The following MAPK10 variants were observed in gnomAD, a reference collection of about 807,000 sequenced individuals.
MAPK10 encodes the protein JNK3 alpha protein kinase.
In MAPK10, 25 loss-of-function variants were observed where a neutral mutation model predicts 59.3. That is an observed-to-expected ratio of 0.42 (90% confidence interval 0.31 to 0.59). The LOEUF is 0.59. Ranked by LOEUF, MAPK10 falls within the 20% of genes least tolerant of loss-of-function variation. The pLI is 0.15. For synonymous variants in MAPK10, 190 were observed against 200.5 expected, an observed-to-expected ratio of 0.95 and a Z score of 0.44; for missense variants, 351 against 568.9, an observed-to-expected ratio of 0.62 and a Z score of 3.90.
intron 9 of MAPK10, chr4:86,090,279 G>A (rs2149048263): frequency 6.6e-6 from 1 of 152,174 alleles, no homozygotes; most frequent in Non-Finnish European, 1.5e-5. Context: ...TAAGATAGCA[G>A]CACAATATAA....
chr4:86,083,757 C>T (rs139678627), intron 9 of MAPK10, among the ~76,000 whole-genome samples: 97 of 152,304 alleles, frequency 6.4e-4, no homozygotes, highest in African/African-American at 2.2e-3. Context: ...CTCCTCTACC[C>T]CCATGGTGCA....
At chr4:86,222,195 T>C (rs1171839415) in intron 2 of MAPK10, among the ~76,000 whole-genome samples, 5 of 152,200 alleles carry the variant, frequency 3.3e-5, no homozygotes, top group Non-Finnish European at 5.9e-5. Context: ...CTTTTCTTTA[T>C]TAATTACCCA....
At chr4:86,044,934 TA>T (rs1162556572) in intron 11 of MAPK10, among the ~76,000 whole-genome samples, 1 of 152,148 alleles carries the variant, frequency 6.6e-6, no homozygotes, top group Non-Finnish European at 1.5e-5. Flanking sequence ...AAAACTTTCT[TA>T]AGTACTTGCA....
chr4:86,309,928 G>C (rs1256246482), intron 2 of MAPK10, among the ~76,000 whole-genome samples: 1 of 152,058 alleles, frequency 6.6e-6, no homozygotes, highest in African/African-American at 2.4e-5. Context: ...AATATCTCAG[G>C]CCCCAAAATC....
intron 2 of MAPK10, among the ~76,000 whole-genome samples, chr4:86,305,675 C>T (rs1431814154): frequency 6.6e-6 from 1 of 151,886 alleles, no homozygotes; most frequent in East Asian, 1.9e-4. Context: ...AAAAATTAGC[C>T]AAGCATGGTG....
chr4:86,141,096 T>G (rs2063542170), intron 4 of MAPK10, among the ~76,000 whole-genome samples: 1 of 152,212 alleles, frequency 6.6e-6, no homozygotes, highest in Non-Finnish European at 1.5e-5. Context: ...ATTAACTTGT[T>G]CAAAGTCATT....
intron 2 of MAPK10, among the ~76,000 whole-genome samples, chr4:86,255,698 T>C (rs1307744324): frequency 6.6e-6 from 1 of 152,164 alleles, no homozygotes; most frequent in East Asian, 1.9e-4. Flanking sequence ...AAGCAAATTT[T>C]ATTTTTCTGG....
At chr4:86,545,207 G>A (rs1191851787) in intron 1 of MAPK10, among the ~76,000 whole-genome samples, 3 of 152,168 alleles carry the variant, frequency 2.0e-5, no homozygotes, top group African/African-American at 7.2e-5. Context: ...ATGAGTGCAA[G>A]GACTTGTTTA....
At chr4:86,475,542 C>G (rs190788970) in intron 1 of MAPK10, among the ~76,000 whole-genome samples, 3 of 152,184 alleles carry the variant, frequency 2.0e-5, no homozygotes, top group African/African-American at 7.2e-5. Flanking sequence ...ACCCAAAACT[C>G]TGGCGCCGGT....
intron 13 of MAPK10, chr4:86,024,181 G>A (rs1578697195): frequency 6.6e-6 from 1 of 151,814 alleles, no homozygotes; most frequent in African/African-American, 2.4e-5. Context: ...CTGAAATAAG[G>A]CTCCCTTATA....
intron 1 of MAPK10, among the ~76,000 whole-genome samples, chr4:86,447,810 C>CTCTAGATTA (rs1333453425): frequency 3.9e-5 from 6 of 152,226 alleles, no homozygotes; most frequent in African/African-American, 1.4e-4. Context: ...ATGTGTGTAT[C>CTCTAGATTA]TCTAGATTAT....
intron 2 of MAPK10, among the ~76,000 whole-genome samples, chr4:86,353,293 A>G (rs1315031204): frequency 1.3e-5 from 2 of 152,164 alleles, no homozygotes; most frequent in African/African-American, 4.8e-5. Context: ...GCTCCTTTAA[A>G]GCAAGGACTG....
intron 11 of MAPK10, among the ~76,000 whole-genome samples, chr4:86,035,753 A>G (rs575097372): frequency 2.6e-5 from 4 of 152,280 alleles, no homozygotes; most frequent in African/African-American, 9.6e-5. Flanking sequence ...GAAGCCATCT[A>G]AAGAAATAGA....
At chr4:86,417,090 G>A (rs1387055202) in intron 1 of MAPK10, among the ~76,000 whole-genome samples, 1 of 151,952 alleles carries the variant, frequency 6.6e-6, no homozygotes, top group Admixed American at 6.6e-5. Flanking sequence ...TTAAACAATG[G>A]TTACCTGGTA....
intron 11 of MAPK10, among the ~76,000 whole-genome samples, chr4:86,056,942 A>ATTTATTTAT: frequency 8.9e-6 from 1 of 111,852 alleles, no homozygotes; most frequent in African/African-American, 4.4e-5. Context: ...TTTTTTGTTT[A>ATTTATTTAT]TTTATTTTAT....
At chr4:86,373,755 A>T (rs1210813353) in intron 1 of MAPK10, among the ~76,000 whole-genome samples, 1 of 152,204 alleles carries the variant, frequency 6.6e-6, no homozygotes. Context: ...TCAGGAAACA[A>T]CAGATGCTGG....
At chr4:86,275,695 T>C (rs2094556098) in intron 2 of MAPK10, among the ~76,000 whole-genome samples, 1 of 152,076 alleles carries the variant, frequency 6.6e-6, no homozygotes, top group South Asian at 2.1e-4. Context: ...AGAAAATATG[T>C]ATGAAAATAG....
intron 9 of MAPK10, among the ~76,000 whole-genome samples, chr4:86,092,708 A>C (rs2053482268): frequency 6.6e-6 from 1 of 152,096 alleles, no homozygotes; most frequent in Non-Finnish European, 1.5e-5. Context: ...GACTGTGCAT[A>C]GACCTTAGAA....
intron 2 of MAPK10, among the ~76,000 whole-genome samples, chr4:86,234,299 TATC>T (rs974318530): frequency 9.2e-5 from 14 of 152,188 alleles, no homozygotes; most frequent in African/African-American, 3.4e-4. Flanking sequence ...TACTTTTTGT[TATC>T]ATCTGTTGAG....
Sources: allele counts gnomAD v4.1 joint callset (sites outside exome capture counted in the v4.1 genomes callset), GRCh38; gene constraint gnomAD v4.1.1; transcripts MANE v1.5; gene names NCBI Gene and HGNC (gene_info 2026-07-23, HGNC 2026-07-21).